Variants in ADGRL2 observed in about 807,000 individuals in gnomAD.
ADGRL2 encodes calcium-independent alpha-latrotoxin receptor 2.
ADGRL2 carries 44 observed loss-of-function variants against 157.4 expected under a neutral mutation model. The observed-to-expected ratio is 0.28, with a 90% CI of 0.22 to 0.36. ADGRL2 has a LOEUF of 0.36. Ranked by LOEUF, ADGRL2 falls within the 10% of genes least tolerant of loss-of-function variation. The pLI is 1.00. For synonymous variants in ADGRL2, 585 were observed against 624.7 expected, an observed-to-expected ratio of 0.94 and a Z score of 0.95; for missense variants, 1,510 against 1,768.9, an observed-to-expected ratio of 0.85 and a Z score of 2.63.
chr1:81,372,079 G>T (rs1314329352), intron 1 of ADGRL2, among the ~76,000 whole-genome samples: 1 of 152,138 alleles, frequency 6.6e-6, no homozygotes, highest in African/African-American at 2.4e-5. Flanking sequence ...GATATCACAT[G>T]TCAAAGCGAA....
At chr1:81,551,685 A>T (rs903264388) in intron 2 of ADGRL2, among the ~76,000 whole-genome samples, 1 of 152,194 alleles carries the variant, frequency 6.6e-6, no homozygotes, top group African/African-American at 2.4e-5. Context: ...AGTTGAAAAA[A>T]ATAGGAAATT....
At chr1:81,614,846 T>TAA (rs1491071963) in intron 3 of ADGRL2, among the ~76,000 whole-genome samples, 1 of 105,626 alleles carries the variant, frequency 9.5e-6, no homozygotes, top group African/African-American at 3.4e-5. Context: ...TCTCTACAAA[T>TAA]TAAAAAAAAA....
chr1:81,840,074 CT>C (rs2092504120), intron 2 of ADGRL2, among the ~76,000 whole-genome samples: 1 of 151,572 alleles, frequency 6.6e-6, no homozygotes, highest in African/African-American at 2.4e-5. Context: ...ATGATTCTTA[CT>C]CTTGAGAAGC....
intron 3 of ADGRL2, among the ~76,000 whole-genome samples, chr1:81,650,047 C>T (rs1425584366): frequency 7.7e-6 from 1 of 129,972 alleles, no homozygotes; most frequent in African/African-American, 2.7e-5. Flanking sequence ...AAGTATGGCA[C>T]CTATTCTTAA....
At chr1:81,983,892 A>C (rs2149471134) in intron 19 of ADGRL2, among the ~76,000 whole-genome samples, 1 of 150,958 alleles carries the variant, frequency 6.6e-6, no homozygotes, top group East Asian at 2.0e-4. Flanking sequence ...GTAACTCATT[A>C]ATGTGAATGA....
intron 1 of ADGRL2, among the ~76,000 whole-genome samples, chr1:81,326,467 G>A (rs1173032616): frequency 2.0e-5 from 3 of 152,102 alleles, no homozygotes; most frequent in Admixed American, 6.6e-5. Context: ...AAACACAAAC[G>A]TTGTTATTTG....
chr1:81,707,050 G>A (rs1278019995), intron 1 of ADGRL2, among the ~76,000 whole-genome samples: 1 of 152,176 alleles, frequency 6.6e-6, no homozygotes, highest in Admixed American at 6.5e-5. Flanking sequence ...GGTGAGGAAA[G>A]TAGTACAAAT....
At chr1:81,973,193 A>G (rs1430206743) in intron 17 of ADGRL2, among the ~76,000 whole-genome samples, 4 of 152,174 alleles carry the variant, frequency 2.6e-5, no homozygotes, top group African/African-American at 4.8e-5. Context: ...TACAAAGTGA[A>G]ATGAAAATTT....
intron 2 of ADGRL2, chr1:81,502,359 A>C: frequency 6.2e-7 from 1 of 1,614,174 alleles, no homozygotes; most frequent in East Asian, 2.2e-5. Context: ...TGGAGTGATG[A>C]TGCAGATGGA....
chr1:81,516,629 A>G (rs2079184179), intron 2 of ADGRL2, among the ~76,000 whole-genome samples: 1 of 152,242 alleles, frequency 6.6e-6, no homozygotes, highest in South Asian at 2.1e-4. Flanking sequence ...TAAGTCTAAC[A>G]TGGGCCAACT....
rs372041901 is a variant in ADGRL2, at chr1:81,956,080, A to C, written c.2017+20A>C. 3.8e-4 allele frequency: 593 copies of C among 1,550,930 alleles called. 1 individual carries two copies. Among genetic ancestry groups the C allele is most frequent in the Non-Finnish European group, 3.4e-4 (389 of 1,147,202 alleles). The stretch of plus-strand genomic sequence containing the variant: ...ATATTGGTAAGTGAATCTACTGTCA[A>C]GTTTAATTTTGATTTAGGATATTCA... On this transcript the variant is annotated intron_variant, in intron 11 of 23. Coordinates refer to ENST00000686636, the MANE Select transcript of ADGRL2 (RefSeq NM_001366006.2).
Position 81,991,328 on chromosome 1 carries a change from G to A in ADGRL2, c.*183G>A, listed in dbSNP as rs975589836. On this transcript the variant is annotated 3_prime_UTR_variant, in exon 24 of 24. Transcript: ENST00000686636. Reference sequence around the variant, plus strand: ...TTTTTATAAAACATACAAAAACTTTGTATATACACAGAGTATACTAAAGTG... The same window carrying A: ...TTTTTATAAAACATACAAAAACTTTATATATACACAGAGTATACTAAAGTG... 5.6e-6 allele frequency: 3 copies of A among 536,990 alleles called. No homozygotes were observed. In the South Asian group the frequency reaches 9.5e-5, roughly 17 times the overall value. 33.3% of individuals were successfully genotyped at this position (536,990 alleles called of 1,614,324 possible).
chr1:81,912,066 T>C (rs1049518094), intron 3 of ADGRL2, among the ~76,000 whole-genome samples: 2 of 150,782 alleles, frequency 1.3e-5, no homozygotes, highest in Admixed American at 1.3e-4. Flanking sequence ...TTCTTTTATT[T>C]TTTTTTATTT....
chr1:81,647,502 C>G (rs546287811), intron 3 of ADGRL2, among the ~76,000 whole-genome samples: 2 of 152,020 alleles, frequency 1.3e-5, no homozygotes, highest in Non-Finnish European at 2.9e-5. Flanking sequence ...TTCAGTGTCC[C>G]CAGAGGAAAA....
chr1:81,631,966 C>T (rs144770131), intron 3 of ADGRL2, among the ~76,000 whole-genome samples: 2 of 152,268 alleles, frequency 1.3e-5, no homozygotes, highest in African/African-American at 4.8e-5. Flanking sequence ...GATTTCCTAT[C>T]ATGGCATTTT....
At chr1:81,905,200 T>C (rs2094561821) in intron 2 of ADGRL2, among the ~76,000 whole-genome samples, 1 of 151,706 alleles carries the variant, frequency 6.6e-6, no homozygotes, top group Non-Finnish European at 1.5e-5. Context: ...CAGGTTCAAA[T>C]GATTCTCCTG....
At chr1:81,782,843 T>G (rs186985303) in intron 2 of ADGRL2, among the ~76,000 whole-genome samples, 213 of 152,322 alleles carry the variant, frequency 1.4e-3, no homozygotes, top group Non-Finnish European at 2.8e-3. Context: ...GAAGGACATC[T>G]TTGTAGCCAA....
intron 3 of ADGRL2, among the ~76,000 whole-genome samples, chr1:81,685,943 G>T (rs2083220033): frequency 6.6e-6 from 1 of 152,230 alleles, no homozygotes; most frequent in Non-Finnish European, 1.5e-5. Flanking sequence ...CACATTTATT[G>T]ACTTGTATAT....
intron 1 of ADGRL2, among the ~76,000 whole-genome samples, chr1:81,356,682 A>G (rs372087292): frequency 1.8e-4 from 27 of 152,210 alleles, no homozygotes; most frequent in East Asian, 1.2e-3. Context: ...GGCTGGGTGC[A>G]ATGGCTCACG....
Sources: gnomAD v4.1 joint callset for allele counts (sites outside exome capture counted in the v4.1 genomes callset) on GRCh38, gnomAD v4.1.1 for gene constraint, MANE v1.5 for transcripts, NCBI Gene and HGNC (gene_info 2026-07-23, HGNC 2026-07-21) for gene names.